Variants in NUDC observed in about 807,000 individuals in gnomAD.
NUDC encodes the protein nuclear migration protein nudC.
In NUDC, 14 loss-of-function variants were observed where a neutral mutation model predicts 45.0. The observed-to-expected ratio is 0.31, with a 90% CI of 0.21 to 0.49. The LOEUF (loss-of-function observed/expected upper bound fraction) is 0.49. NUDC is among the 20% of genes least tolerant of loss of function. The pLI, the probability that NUDC is intolerant of heterozygous loss-of-function variation, is 0.99. For synonymous variants in NUDC, 153 were observed against 156.7 expected (o/e 0.98, Z 0.17); for missense variants, 323 against 426.2 (o/e 0.76, Z 2.13).
At chr1:26,905,552 G>A (rs2081999635) in intron 2 of NUDC, among the ~76,000 whole-genome samples, 1 of 152,022 alleles carries the variant, frequency 6.6e-6, no homozygotes, top group East Asian at 1.9e-4. Flanking sequence ...GAGTGATGAG[G>A]AGATATTTGA....
intron 2 of NUDC, among the ~76,000 whole-genome samples, chr1:26,937,381 G>A (rs1333662668): frequency 6.6e-6 from 1 of 152,184 alleles, no homozygotes; most frequent in African/African-American, 2.4e-5. Context: ...CCAGGCTCAA[G>A]CAGTCCTTCC....
At chr1:26,921,975 C>G in intron 1 of NUDC, 46 bp downstream of exon 1, 1 of 1,530,550 alleles carries the variant, frequency 6.5e-7, no homozygotes, top group South Asian at 1.2e-5. Flanking sequence ...CTTGGCCACG[C>G]TCCTTCCGCC....
At chr1:26,915,054 C>CATATATATATATATATATATATAT (rs1476735799) in intron 3 of NUDC, among the ~76,000 whole-genome samples, 3 of 132,744 alleles carry the variant, frequency 2.3e-5, no homozygotes, top group African/African-American at 8.4e-5. Context: ...CACATACATA[C>CATATATATATATATATATATATAT]ATACATATAT....
In NUDC at chr1:26,945,768, C is replaced by T. The variant is rs111630333; in HGVS notation, c.944+82C>T. The T allele has an allele frequency of 3.8e-5, 38 of 996,304 alleles. 1 individual carries two copies. The highest frequency in any genetic ancestry group is 2.7e-4 in the South Asian group (21 of 78,650). The allele number at this position is 996,304 out of a possible 1,614,324, so 61.7% of individuals were successfully genotyped here. A position where few individuals can be genotyped will look rare whatever the true frequency, so the allele number is the denominator to read the frequency against. ...GGTGACAGCAGTGAGTGGATCACTG[C>T]GCTGCCTCAGGAGCTGCCCTGCCCC... On this transcript the variant is annotated intron_variant, in intron 8 of 8. Coordinates refer to ENST00000321265, the MANE Select transcript of NUDC (RefSeq NM_006600.4).
upstream of NUDC, among the ~76,000 whole-genome samples, chr1:26,919,492 G>C (rs1184139216): frequency 2.6e-5 from 4 of 152,162 alleles, no homozygotes; most frequent in African/African-American, 4.8e-5. Flanking sequence ...ACATAAACTT[G>C]TTTCTTTCAC....
At chr1:26,913,614 C>A (rs1469026025) in intron 3 of NUDC, 1 of 1,613,920 alleles carries the variant, frequency 6.2e-7, no homozygotes. Flanking sequence ...GGGCCTCAGC[C>A]ACCTCAAAGG....
intron 2 of NUDC, among the ~76,000 whole-genome samples, chr1:26,906,975 G>C (rs2082005444): frequency 6.6e-6 from 1 of 152,166 alleles, no homozygotes; most frequent in African/African-American, 2.4e-5. Context: ...AGGAAGAGGA[G>C]GTCTCCTTTG....
intron 2 of NUDC, among the ~76,000 whole-genome samples, chr1:26,933,998 C>CA (rs1403219770): frequency 6.6e-6 from 1 of 152,074 alleles, no homozygotes; most frequent in Non-Finnish European, 1.5e-5. Flanking sequence ...CCTAAAAATA[C>CA]AAAAATTAGC....
At chr1:26,911,376 G>A (rs2082025213) in intron 3 of NUDC, 1 of 348,216 alleles carries the variant, frequency 2.9e-6, no homozygotes, top group African/African-American at 2.1e-5. Context: ...TGGAAAATTA[G>A]CTCCAGCAAC....
chr1:26,917,426 G>A (rs1479768893), upstream of NUDC, among the ~76,000 whole-genome samples: 2 of 151,994 alleles, frequency 1.3e-5, no homozygotes, highest in East Asian at 3.8e-4. Flanking sequence ...GCTGGGTATG[G>A]TGGTGCACGC....
intron 2 of NUDC, among the ~76,000 whole-genome samples, chr1:26,932,188 T>C (rs1570733507): frequency 1.3e-5 from 2 of 151,538 alleles, no homozygotes; most frequent in South Asian, 2.1e-4. Context: ...TTTTCTTTTT[T>C]TTTTTTGAGA....
At chr1:26,928,773 A>G (rs1570729503) in intron 2 of NUDC, among the ~76,000 whole-genome samples, 1 of 152,230 alleles carries the variant, frequency 6.6e-6, no homozygotes, top group African/African-American at 2.4e-5. Flanking sequence ...CAAAATAACA[A>G]GTGTTGACAA....
In NUDC at chr1:26,945,596, G is replaced by T. The variant is rs1265367698; in HGVS notation, c.854G>T (p.Ser285Ile). ...KLSDLDSETR[S>I]MVEKMMYDQR... is the part of the protein sequence containing the mutation. ...TCAGACCTGGACAGTGAGACTCGCAGCATGGTGGAAAAGATGATGTATGAC... is the reference window on the plus strand; with the variant it reads ...TCAGACCTGGACAGTGAGACTCGCATCATGGTGGAAAAGATGATGTATGAC... The change falls in exon 8 of 9, where the codon AGC (serine) becomes ATC (isoleucine). Residue 285 changes from serine to isoleucine, a missense_variant. Around this residue, in one of 3 missense-constraint regions of NUDC, gnomAD observed 54 missense variants for 100.2 expected, o/e 0.54. Coordinates refer to ENST00000321265, the MANE Select transcript of NUDC (RefSeq NM_006600.4). 1 of 1,614,080 alleles carries T rather than the reference G, an allele frequency of 6.2e-7. No homozygotes were observed. The highest frequency in any genetic ancestry group is 8.5e-7 in the Non-Finnish European group (1 of 1,180,026).
rs779882054 is a variant in NUDC, at chr1:26,942,734, C to T, written c.504C>T (p.Asp168=). 2.5e-6 allele frequency: 4 copies of T among 1,614,128 alleles called. No homozygotes were observed. In the African/African-American group the frequency reaches 4.0e-5, roughly 16 times the overall value. ...AGCCCAACCTAGGCAACGGGGCAGA[C>T]CTGCCCAATTACCGCTGGACCCAGA... ...KLKPNLGNGA[D]LPNYRWTQTL... is the part of the protein sequence containing the mutation. Residue 168 remains aspartate, a synonymous_variant, in exon 5 of 9, where the codon GAC becomes GAT. Transcript: ENST00000321265.
At chr1:26,942,584 TG>T in intron 4 of NUDC, 75 bp from the exon 5 acceptor site, 6 of 1,599,518 alleles carry the variant, frequency 3.8e-6, no homozygotes, top group Non-Finnish European at 5.1e-6. Context: ...GTGCTAGCCC[TG>T]GGCTTGGCCC....
chr1:26,937,980 A>G (rs1326269908), intron 2 of NUDC, among the ~76,000 whole-genome samples: 1 of 152,184 alleles, frequency 6.6e-6, no homozygotes, highest in Admixed American at 6.5e-5. Context: ...GCTATTTCAT[A>G]AAATTCTTCT....
intron 4 of NUDC, 108 bp downstream of exon 4, chr1:26,941,926 C>A (rs544821428): frequency 1.9e-6 from 2 of 1,045,810 alleles, no homozygotes; most frequent in South Asian, 2.7e-5. Flanking sequence ...ATCCCCTCCC[C>A]TCCTGGCTTT....
chr1:26,932,495 G>GT (rs942266831), intron 2 of NUDC, among the ~76,000 whole-genome samples: 75 of 151,338 alleles, frequency 5.0e-4, no homozygotes, highest in East Asian at 9.7e-4. Flanking sequence ...TAATTTTTCT[G>GT]TTTTTTTTGT....
At position 26,921,776 on chromosome 1, in the gene NUDC, G is replaced by C. The variant is rs560634289; in HGVS notation, c.-73G>C. 4 of 1,491,292 alleles carry C rather than the reference G, an allele frequency of 2.7e-6. No homozygotes were observed. Among genetic ancestry groups the C allele is most frequent in the Non-Finnish European group, 3.6e-6 (4 of 1,096,052 alleles). The allele number at this position is 1,491,292 out of a possible 1,614,324, so 92.4% of individuals were successfully genotyped here. On this transcript the variant is annotated 5_prime_UTR_variant, in exon 1 of 9. Transcript: ENST00000321265. The stretch of plus-strand genomic sequence containing the variant: ...CGGACGACTAGAGTCGTTGGGCCCG[G>C]CGCGACCCGCAGGAGCGTAGAGAGC...
Sources: gnomAD v4.1 joint callset for allele counts (sites outside exome capture counted in the v4.1 genomes callset) on GRCh38, gnomAD v4.1.1 for gene constraint, gnomAD v4.1.1 regional missense constraint, MANE v1.5 for transcripts, NCBI Gene and HGNC (gene_info 2026-07-23, HGNC 2026-07-21) for gene names.